BRI3BP: variants seen among roughly 807,000 people sequenced by gnomAD.
BRI3BP encodes the protein BRI3-binding protein.
BRI3BP carries 7 observed loss-of-function variants against 15.8 expected under a neutral mutation model. The ratio of observed to expected loss-of-function variants is 0.44; its 90% CI spans 0.25 to 0.83. The LOEUF (loss-of-function observed/expected upper bound fraction) is 0.83, where lower values mean the gene tolerates loss of function less well. BRI3BP is among the 40% of genes least tolerant of loss of function. The pLI, the probability that BRI3BP is intolerant of heterozygous loss-of-function variation, is 0.20. For synonymous variants in BRI3BP, 192 were observed against 163.5 expected, an observed-to-expected ratio of 1.17 and a Z score of -1.33; for missense variants, 320 against 339.3, an observed-to-expected ratio of 0.94 and a Z score of 0.45.
At chr12:125,006,394 G>A (rs545049358) in intron 1 of BRI3BP, among the ~76,000 whole-genome samples, 1 of 152,304 alleles carries the variant, frequency 6.6e-6, no homozygotes, top group African/African-American at 2.4e-5. Context: ...ACCCTCTCCT[G>A]CCCGGGGCCA....
the BRI3BP span, among the ~76,000 whole-genome samples, chr12:125,037,655 CA>C: frequency 0.54 from 81,681 of 150,976 alleles, 23,998 homozygotes; most frequent in East Asian, 0.69. Context: ...ACTAAAAATA[CA>C]AAAAAATTAG....
the BRI3BP span, among the ~76,000 whole-genome samples, chr12:125,037,746 A>G: frequency 3.5e-4 from 53 of 151,340 alleles, no homozygotes; most frequent in Non-Finnish European, 5.9e-4. Context: ...CAGGAGGCAG[A>G]GATTGCAGTG....
Position 125,029,374 on chromosome 12 carries a change from A to C in BRI3BP, c.*3944A>C, listed in dbSNP as rs966919093. 1 of 149,818 alleles carries C rather than the reference A, an allele frequency of 6.7e-6. No individual in the cohort carries two copies. Among genetic ancestry groups the C allele is most frequent in the African/African-American group, 2.4e-5 (1 of 40,880 alleles). The allele number at this position is 149,818 out of a possible 1,614,324, so 9.3% of individuals were successfully genotyped here. Reference sequence around the variant, plus strand: ...ACCAAAAAATACAAAAAAAAAAAAAAAAAAAAAAATAGCCAGGTGTGGTGG... The same window carrying C: ...ACCAAAAAATACAAAAAAAAAAAAACAAAAAAAAATAGCCAGGTGTGGTGG... On this transcript the variant is annotated 3_prime_UTR_variant, in exon 3 of 3. Coordinates refer to ENST00000341446, the MANE Select transcript of BRI3BP (RefSeq NM_080626.6).
At chr12:125,041,084 C>T in the BRI3BP span, among the ~76,000 whole-genome samples, 4 of 140,676 alleles carry the variant, frequency 2.8e-5, no homozygotes, top group East Asian at 4.4e-4. Context: ...CTCGCTCTGT[C>T]GCCCAGGCTG....
At chr12:125,016,890 A>G in intron 2 of BRI3BP, among the ~76,000 whole-genome samples, 1 of 129,580 alleles carries the variant, frequency 7.7e-6, no homozygotes, top group Admixed American at 9.2e-5. Flanking sequence ...GCTGGAGTGC[A>G]GTGGTGCAAT....
At chr12:125,006,765 T>C (rs1365850084) in intron 1 of BRI3BP, among the ~76,000 whole-genome samples, 2 of 152,224 alleles carry the variant, frequency 1.3e-5, no homozygotes, top group African/African-American at 4.8e-5. Context: ...GGTTCAACAG[T>C]GTGAGCAGGA....
rs1955363538 is a variant in BRI3BP, at chr12:125,027,280, G to GA, written c.*1851dup. ...AGACTTCTGTTTCTAAGGTACACAT[G>GA]ATGGGACCCAAACTCTCCTGGAGAG... On this transcript the variant is annotated 3_prime_UTR_variant, in exon 3 of 3. Coordinates refer to ENST00000341446, the MANE Select transcript of BRI3BP (RefSeq NM_080626.6). The GA allele has an allele frequency of 6.6e-6, 1 of 152,140 alleles. No individual in the cohort carries two copies. Among genetic ancestry groups the GA allele is most frequent in the Admixed American group, 6.5e-5 (1 of 15,270 alleles). The allele number at this position is 152,140 out of a possible 1,614,324, so 9.4% of individuals were successfully genotyped here. A position where few individuals can be genotyped will look rare whatever the true frequency, so the allele number is the denominator to read the frequency against.
rs540560749 is a variant in BRI3BP at position 125,029,138 on chromosome 12, A to T, written c.*3708A>T. The T allele has an allele frequency of 6.6e-6, 1 of 152,254 alleles. No individual in the cohort carries two copies. The highest frequency in any genetic ancestry group is 2.1e-4 in the South Asian group (1 of 4,824). The allele number at this position is 152,254 out of a possible 1,614,324, so 9.4% of individuals were successfully genotyped here. On this transcript the variant is annotated 3_prime_UTR_variant, in exon 3 of 3. Transcript: ENST00000341446. The stretch of plus-strand genomic sequence containing the variant: ...GCCCTCTCTAGATTGCTGGAATTGT[A>T]TGGATGTGTTGGGGTTGGTTTAGTG...
the BRI3BP span, among the ~76,000 whole-genome samples, chr12:125,049,684 C>T: frequency 6.6e-6 from 1 of 152,200 alleles, no homozygotes; most frequent in South Asian, 2.1e-4. Context: ...TCAGGATTGG[C>T]TGGGAGGTGC....
intron 1 of BRI3BP, among the ~76,000 whole-genome samples, chr12:125,000,725 C>T (rs1955083817): frequency 6.6e-6 from 1 of 152,154 alleles, no homozygotes; most frequent in Admixed American, 6.6e-5. Flanking sequence ...TTACATTTCC[C>T]CTCAAACTTT....
the BRI3BP span, among the ~76,000 whole-genome samples, chr12:125,043,830 TGG>T: frequency 6.6e-6 from 1 of 152,034 alleles, no homozygotes; most frequent in Non-Finnish European, 1.5e-5. Flanking sequence ...CACTGCAGCC[TGG>T]GTGAAAGAGC....
chr12:124,993,894 C>T lies in BRI3BP; in HGVS notation c.104C>T (p.Ala35Val). The change falls in exon 1 of 3, where the codon GCG (alanine) becomes GTG (valine). Residue 35 changes from alanine (A) to valine (V), a missense_variant. Transcript: ENST00000341446. The stretch of plus-strand genomic sequence containing the variant: ...CTGCTGGCCCCGGGCGCGCAGGGGG[C>T]GCGGGGCCGCGGCGGCGCGGAGAAG... ...LGLLAPGAQG[A>V]RGRGGAEKNS... 4.0e-6 allele frequency: 5 copies of T among 1,260,588 alleles called. No homozygotes were observed. Among genetic ancestry groups the T allele is most frequent in the Non-Finnish European group, 4.0e-6 (4 of 995,876 alleles). The allele number at this position is 1,260,588 out of a possible 1,614,324, so 78.1% of individuals were successfully genotyped here.
intron 2 of BRI3BP, among the ~76,000 whole-genome samples, chr12:125,021,467 C>A (rs553488062): frequency 2.0e-4 from 31 of 152,236 alleles, no homozygotes; most frequent in African/African-American, 7.2e-4. Context: ...CTTAGGGAAG[C>A]CAAGGCAGGC....
chr12:124,995,350 T>G (rs1476561821), intron 1 of BRI3BP, among the ~76,000 whole-genome samples: 2 of 152,084 alleles, frequency 1.3e-5, no homozygotes, highest in African/African-American at 4.8e-5. Flanking sequence ...GAGTCTCACT[T>G]ACTTCCTCTT....
At position 124,993,914 on chromosome 12, in the gene BRI3BP, G is replaced by T; in HGVS notation, c.124G>T (p.Glu42Ter). Reference protein sequence around the residue: ...AQGARGRGGAEKNSYRRTVNT... With the variant: ...AQGARGRGGA Reference sequence around the variant, plus strand: ...GGGGGCGCGGGGCCGCGGCGGCGCGGAGAAGAACAGCTACCGCCGCACGGT... The same window carrying T: ...GGGGGCGCGGGGCCGCGGCGGCGCGTAGAAGAACAGCTACCGCCGCACGGT... Residue 42 changes from glutamate to a stop codon, truncating the protein, a stop_gained, in exon 1 of 3, where the codon GAG becomes TAG. Transcript: ENST00000341446. LOFTEE classifies it high-confidence loss of function. 1.5e-6 allele frequency: 2 copies of T among 1,311,156 alleles called. No homozygotes were observed. The highest frequency in any genetic ancestry group is 3.3e-5 in the East Asian group (1 of 30,524). 81.2% of individuals were successfully genotyped at this position (1,311,156 alleles called of 1,614,324 possible). A position where few individuals can be genotyped will look rare whatever the true frequency, so the allele number is the denominator to read the frequency against.
the BRI3BP span, among the ~76,000 whole-genome samples, chr12:125,050,348 T>G: frequency 7.2e-6 from 1 of 138,222 alleles, no homozygotes; most frequent in Non-Finnish European, 1.5e-5. Context: ...AGACTCCGTC[T>G]CAAAAAAAAA....
intron 2 of BRI3BP, among the ~76,000 whole-genome samples, chr12:125,014,706 A>G (rs1264453969): frequency 6.6e-6 from 1 of 152,156 alleles, no homozygotes; most frequent in African/African-American, 2.4e-5. Flanking sequence ...ATTTGTGTCA[A>G]CAGCCTAGGC....
rs772865869 is a variant in BRI3BP, at chr12:125,012,620, T to C, written c.300T>C (p.Asp100=). The C allele has an allele frequency of 1.2e-6, 2 of 1,607,562 alleles. No individual in the cohort carries two copies. Among genetic ancestry groups the C allele is most frequent in the Non-Finnish European group, 1.7e-6 (2 of 1,174,030 alleles). Residue 100 remains aspartate, a synonymous_variant, in exon 2 of 3, where the codon GAT becomes GAC. Transcript: ENST00000341446. Reference sequence around the variant, plus strand: ...GGAAAGTCTGGACCGAGCTCTTGGATGTTCTTGGACTTGACGGTAGGTGTA... The same window carrying C: ...GGAAAGTCTGGACCGAGCTCTTGGACGTTCTTGGACTTGACGGTAGGTGTA... ...TLWKVWTELL[D]VLGLDVSNLS... is the part of the protein sequence containing the mutation.
chr12:125,023,821 C>T (rs1955322275), intron 2 of BRI3BP, among the ~76,000 whole-genome samples: 2 of 152,172 alleles, frequency 1.3e-5, no homozygotes, highest in Admixed American at 1.3e-4. Context: ...CTTGTAATCC[C>T]AGCACTTTGG....
Sources: allele counts gnomAD v4.1 joint callset (sites outside exome capture counted in the v4.1 genomes callset), GRCh38; gene constraint gnomAD v4.1.1; transcripts MANE v1.5; gene names NCBI Gene and HGNC (gene_info 2026-07-23, HGNC 2026-07-21).